The following RBFOX3 variants were observed in gnomAD, a reference collection of about 807,000 sequenced individuals.
The protein encoded by RBFOX3 is RNA binding fox-1 homolog 3.
RBFOX3 carries 17 observed loss-of-function variants against 48.7 expected under a neutral mutation model. The observed-to-expected ratio is 0.35, with a 90% CI of 0.24 to 0.52. RBFOX3 has a LOEUF of 0.52. Ranked by LOEUF, RBFOX3 falls within the 20% of genes least tolerant of loss-of-function variation. The pLI is 0.94. For synonymous variants in RBFOX3, 212 were observed against 209.5 expected (o/e 1.01, Z -0.10); for missense variants, 382 against 497.5 (o/e 0.77, Z 2.21).
chr17:79,468,711 T>C (rs1297123475), intron 2 of RBFOX3, among the ~76,000 whole-genome samples: 1 of 116,126 alleles, frequency 8.6e-6, no homozygotes, highest in African/African-American at 3.8e-5. Context: ...GATAGACGAA[T>C]GGATGCATAG....
intron 5 of RBFOX3, among the ~76,000 whole-genome samples, chr17:79,114,158 G>A (rs1307350666): frequency 6.6e-6 from 1 of 152,202 alleles, no homozygotes; most frequent in Admixed American, 6.5e-5. Context: ...AGCGTGACTT[G>A]TTTATGGTGA....
chr17:79,187,395 A>G (rs1025383782), intron 4 of RBFOX3, among the ~76,000 whole-genome samples: 4 of 152,176 alleles, frequency 2.6e-5, no homozygotes, highest in Non-Finnish European at 5.9e-5. Context: ...CTCCCAGGAC[A>G]AGGAGTGAGC....
chr17:79,116,260 C>G (rs1342540072), intron 4 of RBFOX3, among the ~76,000 whole-genome samples: 2 of 152,186 alleles, frequency 1.3e-5, no homozygotes, highest in African/African-American at 4.8e-5. Context: ...CATCTCCTTC[C>G]CACCTCAAGA....
chr17:79,128,290 C>A (rs2037853783), intron 4 of RBFOX3, among the ~76,000 whole-genome samples: 1 of 152,184 alleles, frequency 6.6e-6, no homozygotes, highest in Non-Finnish European at 1.5e-5. Flanking sequence ...AGAGGATCCC[C>A]CATGTGTGGA....
At chr17:79,376,239 G>A (rs2147794572) in intron 2 of RBFOX3, among the ~76,000 whole-genome samples, 1 of 152,292 alleles carries the variant, frequency 6.6e-6, no homozygotes, top group Admixed American at 6.5e-5. Context: ...CTCCCAGCCT[G>A]GAATCGACTG....
chr17:79,271,991 A>G (rs1343087435), intron 3 of RBFOX3, among the ~76,000 whole-genome samples: 9 of 152,232 alleles, frequency 5.9e-5, no homozygotes, highest in Non-Finnish European at 1.3e-4. Context: ...CGCGGAATAT[A>G]TGTCCTCAAA....
chr17:79,141,493 T>C (rs549555588), intron 4 of RBFOX3, among the ~76,000 whole-genome samples: 33 of 152,118 alleles, frequency 2.2e-4, no homozygotes, highest in Middle Eastern at 3.4e-3. Context: ...TCTCTTCTTA[T>C]AGTGGCTCAG....
intron 2 of RBFOX3, among the ~76,000 whole-genome samples, chr17:79,468,051 T>G (rs1236162221): frequency 1.3e-5 from 2 of 152,090 alleles, no homozygotes; most frequent in African/African-American, 4.8e-5. Context: ...ACTGTCCGCA[T>G]TGTTTGGTTC....
chr17:79,095,469 T>G (rs2075035996), intron 13 of RBFOX3, 44 bp downstream of exon 13: 7 of 1,521,034 alleles, frequency 4.6e-6, no homozygotes, highest in Non-Finnish European at 6.2e-6. Flanking sequence ...CTTGTCCATC[T>G]TCTCCCCACC....
chr17:79,334,314 G>T (rs1474016645), intron 2 of RBFOX3, among the ~76,000 whole-genome samples: 1 of 152,142 alleles, frequency 6.6e-6, no homozygotes, highest in East Asian at 1.9e-4. Flanking sequence ...TCAGACAGTG[G>T]CATCGCCAGC....
intron 2 of RBFOX3, among the ~76,000 whole-genome samples, chr17:79,385,675 C>T (rs2148035306): frequency 6.6e-6 from 1 of 152,340 alleles, no homozygotes; most frequent in East Asian, 1.9e-4. Flanking sequence ...GACAGGGGCT[C>T]CAGTACCTCC....
chr17:79,429,990 A>C (rs1257862749), intron 2 of RBFOX3, among the ~76,000 whole-genome samples: 1 of 152,178 alleles, frequency 6.6e-6, no homozygotes, highest in Non-Finnish European at 1.5e-5. Flanking sequence ...GCAAGCCCCC[A>C]GCACATCAGA....
intron 1 of RBFOX3, among the ~76,000 whole-genome samples, chr17:79,509,259 C>T (rs2083696690): frequency 6.6e-6 from 1 of 152,124 alleles, no homozygotes; most frequent in Admixed American, 6.5e-5. Flanking sequence ...AGCGCCAGAG[C>T]CGGTGTTTCA....
chr17:79,393,425 G>A (rs1426908892), intron 2 of RBFOX3, among the ~76,000 whole-genome samples: 3 of 152,268 alleles, frequency 2.0e-5, no homozygotes, highest in Non-Finnish European at 4.4e-5. Context: ...AGCAGCCGCA[G>A]GGAAACGCTC....
the RBFOX3 span, among the ~76,000 whole-genome samples, chr17:79,643,868 C>T: frequency 6.7e-6 from 1 of 148,820 alleles, no homozygotes; most frequent in African/African-American, 2.5e-5. Context: ...TAAGCTTCTA[C>T]CTTACAAAAC....
At chr17:79,192,839 G>A (rs942381408) in intron 4 of RBFOX3, among the ~76,000 whole-genome samples, 2 of 152,150 alleles carry the variant, frequency 1.3e-5, no homozygotes, top group Non-Finnish European at 2.9e-5. Context: ...AAACATCCTC[G>A]CCTGTTGAGT....
intron 2 of RBFOX3, among the ~76,000 whole-genome samples, chr17:79,335,358 C>A (rs1417743938): frequency 6.6e-6 from 1 of 152,236 alleles, no homozygotes; most frequent in Non-Finnish European, 1.5e-5. Flanking sequence ...AATGAAACAT[C>A]ATGTAAGTGT....
rs768217621 is a variant in RBFOX3 at position 79,363,765 on chromosome 17, C to A, written c.-174-55941G>T. On this transcript the variant is annotated intron_variant, in intron 2 of 14. Transcript: ENST00000693108. This position sits in a 1 kb window ranked among gnomAD's most constrained non-coding sequence, Gnocchi z 4.7. ...CAGCCTCCATGCTCAGCCCGTCCGC[C>A]CCCCAGCAGCCTGGGTCTGACTGAG... 2.5e-4 allele frequency among the ~76,000 whole-genome samples: 38 copies of A among 152,232 alleles called. No individual in the cohort carries two copies. The highest frequency in any genetic ancestry group is 4.6e-4 in the Non-Finnish European group (31 of 68,010).
At chr17:79,155,939 C>T (rs1327803445) in intron 4 of RBFOX3, among the ~76,000 whole-genome samples, 3 of 152,198 alleles carry the variant, frequency 2.0e-5, no homozygotes, top group Admixed American at 2.0e-4. Context: ...AATTCAGCAT[C>T]GCTGCCTCCC....
Sources: allele counts gnomAD v4.1 joint callset (sites outside exome capture counted in the v4.1 genomes callset), GRCh38; gene constraint gnomAD v4.1.1; non-coding constraint Gnocchi (gnomAD v3.1); transcripts MANE v1.5; gene names NCBI Gene and HGNC (gene_info 2026-07-23, HGNC 2026-07-21).